DPYSL3: variants seen among roughly 807,000 people sequenced by gnomAD.
The protein encoded by DPYSL3 is dihydropyrimidinase like 3.
A neutral mutation model predicts 66.1 loss-of-function variants in DPYSL3; 16 were observed. The observed-to-expected ratio is 0.24, with a 90% CI of 0.16 to 0.37. The LOEUF (loss-of-function observed/expected upper bound fraction) is 0.37, where lower values mean the gene tolerates loss of function less well. Ranked by LOEUF, DPYSL3 falls within the 10% of genes least tolerant of loss-of-function variation. DPYSL3 has a pLI of 1.00. For synonymous variants in DPYSL3, 338 were observed against 345.1 expected (o/e 0.98, Z 0.23); for missense variants, 738 against 916.2 (o/e 0.81, Z 2.51).
At chr5:147,394,787 T>C (rs191751768) in intron 13 of DPYSL3, among the ~76,000 whole-genome samples, 39 of 152,304 alleles carry the variant, frequency 2.6e-4, no homozygotes, top group African/African-American at 8.4e-4. Flanking sequence ...TTTGTCTTTC[T>C]TCCCCTAGGT....
rs1216269358 is a variant in DPYSL3 at position 147,509,528 on chromosome 5, G to A, written c.331C>T (p.Arg111Trp). 2.0e-6 allele frequency: 3 copies of A among 1,534,366 alleles called. No homozygotes were observed. Among genetic ancestry groups the A allele is most frequent in the Non-Finnish European group, 2.6e-6 (3 of 1,146,114 alleles). The change falls in exon 1 of 14, where the codon CGG (arginine) becomes TGG (tryptophan). Residue 111 changes from arginine to tryptophan, a missense_variant. Arg to Trp is a moderately radical substitution (Grantham distance 101, BLOSUM62 -3). Coordinates refer to ENST00000343218, the MANE Select transcript of DPYSL3 (RefSeq NM_001197294.2). This position sits in a 1 kb window ranked among gnomAD's most constrained non-coding sequence, Gnocchi z 5.3. ...ASPAPAGVEI[R>W]SATGKEVLQN... is the part of the protein sequence containing the mutation. ...AACACCTCTTTGCCGGTGGCGCTCC[G>A]GATCTCTACCCCGGCGGGGGCGGGG...
rs1751874221 is a variant in DPYSL3 at position 147,412,493 on chromosome 5, C to G, written c.963+115G>C. 2.9e-6 allele frequency: 3 copies of G among 1,025,918 alleles called. No homozygotes were observed. In the East Asian group the frequency reaches 7.9e-5, roughly 27 times the overall value. The allele number at this position is 1,025,918 out of a possible 1,614,324, so 63.6% of individuals were successfully genotyped here. A position where few individuals can be genotyped will look rare whatever the true frequency, so the allele number is the denominator to read the frequency against. On this transcript the variant is annotated intron_variant, in intron 6 of 13. Transcript: ENST00000343218. Reference sequence around the variant, plus strand: ...ACCTTGGAGCAGGTTCTGTCTTTAGCAAGGTACTTATGATGGTGCCTTGCA... The same window carrying G: ...ACCTTGGAGCAGGTTCTGTCTTTAGGAAGGTACTTATGATGGTGCCTTGCA...
intron 1 of DPYSL3, among the ~76,000 whole-genome samples, chr5:147,445,338 T>C (rs1415043368): frequency 6.6e-6 from 1 of 152,252 alleles, no homozygotes; most frequent in Admixed American, 6.5e-5. Context: ...CATGTTTCTC[T>C]TGGCCCAGTG....
In DPYSL3 at chr5:147,395,597, G is replaced by A. The variant is rs1415314922; in HGVS notation, c.1928C>T (p.Pro643Leu). 4 of 1,613,778 alleles carry A rather than the reference G, an allele frequency of 2.5e-6. No individual in the cohort carries two copies. The African/African-American group carries it at 5.3e-5, about 22-fold the overall frequency. ...ARGSPTRPNP[P>L]VRNLHQSGFS... ...TCCCGACTGATGAAGATTCCTCACA[G>A]GTGGGTTCGGCCGAGTAGGAGAGCC... Residue 643 changes from proline to leucine, a missense_variant, in exon 13 of 14, where the codon CCT becomes CTT. Coordinates refer to ENST00000343218, the MANE Select transcript of DPYSL3 (RefSeq NM_001197294.2).
intron 1 of DPYSL3, among the ~76,000 whole-genome samples, chr5:147,462,505 G>C (rs939214276): frequency 3.9e-5 from 6 of 152,130 alleles, no homozygotes; most frequent in African/African-American, 1.4e-4. Flanking sequence ...CAAAGATTCA[G>C]GGGCCTGATA....
At chr5:147,446,637 T>C (rs546670425) in intron 1 of DPYSL3, among the ~76,000 whole-genome samples, 2 of 152,288 alleles carry the variant, frequency 1.3e-5, no homozygotes, top group East Asian at 1.9e-4. Context: ...AAGACAGGGA[T>C]AGAGAGTGAG....
chr5:147,405,622 C>T lies in DPYSL3; in HGVS notation c.1141G>A (p.Ala381Thr), dbSNP rs1758306721. Residue 381 changes from alanine (A) to threonine (T), a missense_variant, in exon 8 of 14, where the codon GCC becomes ACC. Transcript: ENST00000343218. Reference protein sequence around the residue: ...SKSAADLISQARKKGNVVFGE... With the variant: ...SKSAADLISQTRKKGNVVFGE... ...AAACACAAATCACCTTTTTTCCTGG[C>T]TTGTGAGATGAGGTCAGCTGCACTC... 2 of 1,610,246 alleles carry T rather than the reference C, an allele frequency of 1.2e-6. No homozygotes were observed. The highest frequency in any genetic ancestry group is 8.5e-7 in the Non-Finnish European group (1 of 1,178,694).
At chr5:147,476,298 T>G (rs1225997785) in intron 1 of DPYSL3, among the ~76,000 whole-genome samples, 1 of 152,156 alleles carries the variant, frequency 6.6e-6, no homozygotes, top group Non-Finnish European at 1.5e-5. Context: ...AACATAAAAT[T>G]TCAGTTATCC....
At chr5:147,413,831 G>A (rs1034665650) in intron 4 of DPYSL3, among the ~76,000 whole-genome samples, 174 bp from the exon 5 acceptor site, 13 of 152,040 alleles carry the variant, frequency 8.6e-5, no homozygotes, top group Non-Finnish European at 1.5e-4. Context: ...GCCCACCCTT[G>A]CCCCATAAAA....
intron 10 of DPYSL3, 104 bp from the exon 11 acceptor site, chr5:147,399,356 A>G (rs1758102067): frequency 2.3e-6 from 3 of 1,324,006 alleles, no homozygotes; most frequent in Non-Finnish European, 3.0e-6. Flanking sequence ...TAGAAATACA[A>G]AAAGGAGCCA....
At chr5:147,431,726 A>G (rs1231623905) in intron 1 of DPYSL3, among the ~76,000 whole-genome samples, 1 of 152,128 alleles carries the variant, frequency 6.6e-6, no homozygotes, top group African/African-American at 2.4e-5. Context: ...AGCTCCTGCC[A>G]CCAGCAGCCA....
chr5:147,506,908 C>T (rs553788304), intron 1 of DPYSL3, among the ~76,000 whole-genome samples: 2 of 152,294 alleles, frequency 1.3e-5, no homozygotes, highest in South Asian at 2.1e-4. Context: ...AGGATCATGG[C>T]AAGATTGTAT....
intron 6 of DPYSL3, among the ~76,000 whole-genome samples, chr5:147,412,041 G>A (rs1751865240): frequency 6.6e-6 from 1 of 152,202 alleles, no homozygotes; most frequent in Non-Finnish European, 1.5e-5. Context: ...GAGATGGAGA[G>A]ATAACTGCTT....
intron 1 of DPYSL3, among the ~76,000 whole-genome samples, chr5:147,499,690 G>T (rs962631549): frequency 1.3e-5 from 2 of 152,072 alleles, no homozygotes; most frequent in African/African-American, 4.8e-5. Context: ...TTGTTTTGTT[G>T]ATATCAACAA....
At chr5:147,480,369 C>T (rs1753217018) in intron 1 of DPYSL3, among the ~76,000 whole-genome samples, 1 of 152,100 alleles carries the variant, frequency 6.6e-6, no homozygotes. Context: ...GTGGTTGCCA[C>T]TTCCTCTAGT....
chr5:147,400,832 C>T lies in DPYSL3; in HGVS notation c.1312G>A (p.Gly438Arg), dbSNP rs765632189. ...GCACTCCCAGATAGCTGCAGATCCCCGCTGGCAAAGGAGAAAAGCTCCACA... is the reference window on the plus strand; with the variant it reads ...GCACTCCCAGATAGCTGCAGATCCCTGCTGGCAAAGGAGAAAAGCTCCACA... ...PDYINSLLASGDLQLSGSAHC... is the reference protein window; with the variant it reads ...PDYINSLLASRDLQLSGSAHC... The change falls in exon 10 of 14, where the codon GGG becomes AGG. Residue 438 changes from glycine to arginine, a missense_variant and splice_region_variant. Transcript: ENST00000343218. 5 of 1,613,048 alleles carry T rather than the reference C, an allele frequency of 3.1e-6. No homozygotes were observed. Among genetic ancestry groups the T allele is most frequent in the Middle Eastern group, 1.6e-4 (1 of 6,080 alleles).
intron 1 of DPYSL3, among the ~76,000 whole-genome samples, chr5:147,465,679 C>T (rs971357782): frequency 4.6e-5 from 7 of 152,168 alleles, no homozygotes; most frequent in African/African-American, 2.4e-5. Context: ...TCTAAAGCCC[C>T]GCCGACCCAG....
In DPYSL3 at chr5:147,509,849, C is replaced by T. The variant is rs1753734847; in HGVS notation, c.10G>A (p.Gly4Ser). 6.5e-7 allele frequency: 1 copy of T among 1,528,680 alleles called. No homozygotes were observed. The highest frequency in any genetic ancestry group is 1.4e-5 in the African/African-American group (1 of 72,946). 94.7% of individuals were successfully genotyped at this position (1,528,680 alleles called of 1,614,324 possible). ...TGGGAGCTGTCCCAGCCCCTCCGGC[C>T]CGAGGCCATGGTTCAAGCACGAAAG... The part of the protein sequence containing the change: MAS[G>S]RRGWDSSHED... The change falls in exon 1 of 14, where the codon GGC becomes AGC. Residue 4 changes from glycine (G) to serine (S), a missense_variant. By Grantham distance (56) the Gly-to-Ser change is moderately conservative. Coordinates refer to ENST00000343218, the MANE Select transcript of DPYSL3 (RefSeq NM_001197294.2). This position sits in a 1 kb window ranked among gnomAD's most constrained non-coding sequence, Gnocchi z 5.3.
chr5:147,477,079 T>C (rs1251467671), intron 1 of DPYSL3, among the ~76,000 whole-genome samples: 3 of 152,126 alleles, frequency 2.0e-5, no homozygotes, highest in South Asian at 2.1e-4. Flanking sequence ...AACAATTACA[T>C]AGAAAAAATA....
Sources: gnomAD v4.1 joint callset for allele counts (sites outside exome capture counted in the v4.1 genomes callset) on GRCh38, gnomAD v4.1.1 for gene constraint, Gnocchi (gnomAD v3.1) non-coding constraint, MANE v1.5 for transcripts, NCBI Gene and HGNC (gene_info 2026-07-23, HGNC 2026-07-21) for gene names.